Variants in SLC41A2 observed in about 807,000 individuals in gnomAD.
SLC41A2 encodes solute carrier family 41 member 2.
Under a neutral mutation model 58.3 loss-of-function variants are expected in SLC41A2, and 32 were observed. The ratio of observed to expected loss-of-function variants is 0.55; its 90% CI spans 0.41 to 0.74. SLC41A2 has a LOEUF of 0.74. Among genes scored for constraint, SLC41A2 ranks in the 30% least tolerant of loss-of-function variants. The probability of loss-of-function intolerance (pLI) is 0.00; values close to 1 mark genes in which losing one functional copy is unlikely to be tolerated. For missense variants in SLC41A2, 514 were observed against 680.6 expected, an observed-to-expected ratio of 0.76 and a Z score of 2.72; for synonymous variants, 190 against 235.0, an observed-to-expected ratio of 0.81 and a Z score of 1.75.
At chr12:104,940,193 G>T (rs2047448582) in intron 1 of SLC41A2, among the ~76,000 whole-genome samples, 1 of 151,926 alleles carries the variant, frequency 6.6e-6, no homozygotes. Context: ...TGTATTTTTA[G>T]TAGAGATGGG....
chr12:104,911,588 C>T (rs188820910), intron 2 of SLC41A2, among the ~76,000 whole-genome samples: 2 of 152,114 alleles, frequency 1.3e-5, no homozygotes, highest in African/African-American at 4.8e-5. Context: ...AATACCAAGA[C>T]AGATGAGAAA....
At position 104,928,698 on chromosome 12, in the gene SLC41A2, GA is replaced by G. The variant is rs2046945376; in HGVS notation, c.-167-5del. On this transcript the variant is annotated splice_polypyrimidine_tract_variant and splice_region_variant and intron_variant, in intron 1 of 10. Coordinates refer to ENST00000258538, the MANE Select transcript of SLC41A2 (RefSeq NM_001352171.3). ...AAGTTCCACAGAAGGACTGGATCTG[GA>G]AAAATAAAATAATTTTTAAAAATCA... The G allele has an allele frequency of 2.3e-6, 1 of 431,356 alleles. No homozygotes were observed. Among genetic ancestry groups the G allele is most frequent in the South Asian group, 8.8e-5 (1 of 11,398 alleles). The allele number at this position is 431,356 out of a possible 1,614,324, so 26.7% of individuals were successfully genotyped here. A position where few individuals can be genotyped will look rare whatever the true frequency, so the allele number is the denominator to read the frequency against.
chr12:104,847,778 A>G (rs2042660108), intron 8 of SLC41A2, among the ~76,000 whole-genome samples: 1 of 152,180 alleles, frequency 6.6e-6, no homozygotes, highest in Non-Finnish European at 1.5e-5. Flanking sequence ...TCTTGGAAAC[A>G]GACTGTAAGC....
intron 5 of SLC41A2, 109 bp from the exon 6 acceptor site, chr12:104,886,548 C>G: frequency 8.6e-7 from 1 of 1,166,126 alleles, no homozygotes; most frequent in Non-Finnish European, 1.2e-6. Flanking sequence ...TCCAGTTAGA[C>G]TGCTTAGATA....
intron 4 of SLC41A2, among the ~76,000 whole-genome samples, chr12:104,890,548 T>G (rs761923848): frequency 6.6e-6 from 1 of 152,176 alleles, no homozygotes; most frequent in Non-Finnish European, 1.5e-5. Flanking sequence ...TCTGTCAATT[T>G]CTGAGAAAAT....
intron 10 of SLC41A2, among the ~76,000 whole-genome samples, chr12:104,820,441 G>A (rs1452109385): frequency 2.6e-5 from 4 of 152,138 alleles, no homozygotes; most frequent in African/African-American, 9.7e-5. Flanking sequence ...TGCAGCCTGG[G>A]CAACACAGTG....
intron 1 of SLC41A2, among the ~76,000 whole-genome samples, chr12:104,933,483 G>A (rs1056580225): frequency 6.6e-6 from 1 of 152,078 alleles, no homozygotes; most frequent in African/African-American, 2.4e-5. Flanking sequence ...ATTTCTTAAA[G>A]AACTAAAAGT....
intron 10 of SLC41A2, among the ~76,000 whole-genome samples, chr12:104,831,023 T>G (rs965735190): frequency 3.3e-5 from 5 of 152,202 alleles, no homozygotes; most frequent in Non-Finnish European, 7.4e-5. Context: ...TTATCCCTGA[T>G]GTATATAGTA....
At chr12:104,812,274 C>T (rs1033683491) in intron 10 of SLC41A2, among the ~76,000 whole-genome samples, 3 of 152,154 alleles carry the variant, frequency 2.0e-5, no homozygotes, top group Admixed American at 2.0e-4. Flanking sequence ...CAGTCTCCTC[C>T]CCGTTCAAGA....
intron 7 of SLC41A2, 45 bp downstream of exon 7, chr12:104,866,387 C>T (rs1230563235): frequency 9.3e-5 from 22 of 237,282 alleles, no homozygotes; most frequent in South Asian, 3.8e-4. Flanking sequence ...GACGTACACA[C>T]ACACACACAC....
chr12:104,844,609 T>TA lies in SLC41A2; in HGVS notation c.1398dup (p.Lys467Ter), dbSNP rs1254402092. The TA allele has an allele frequency of 6.6e-7, 1 of 1,523,206 alleles. No individual in the cohort carries two copies. 94.4% of individuals were successfully genotyped at this position (1,523,206 alleles called of 1,614,324 possible). On this transcript the variant is annotated frameshift_variant, in exon 10 of 11. Transcript: ENST00000258538. LOFTEE classifies it high-confidence loss of function. The stretch of plus-strand genomic sequence containing the variant: ...AAAAGCAGTAGAACTTGAGCAGACT[T>TA]ATTATTTACTCCTGTAATATAAAAT...
intron 1 of SLC41A2, among the ~76,000 whole-genome samples, chr12:104,936,266 C>A (rs191973621): frequency 3.3e-5 from 5 of 152,180 alleles, no homozygotes; most frequent in African/African-American, 1.2e-4. Flanking sequence ...CTATACTATA[C>A]TTTTTATATT....
At chr12:104,929,531 C>A (rs1345907093) in intron 1 of SLC41A2, among the ~76,000 whole-genome samples, 3 of 152,328 alleles carry the variant, frequency 2.0e-5, no homozygotes, top group Non-Finnish European at 4.4e-5. Flanking sequence ...TGACTAGAGT[C>A]TCTTTGAAGA....
At chr12:104,942,808 G>A (rs1430886068) in intron 1 of SLC41A2, among the ~76,000 whole-genome samples, 5 of 151,896 alleles carry the variant, frequency 3.3e-5, no homozygotes, top group East Asian at 1.9e-4. Context: ...TTATTCTTAC[G>A]TACTCTATCT....
In SLC41A2 at chr12:104,883,093, T is replaced by C. The variant is rs184622243; in HGVS notation, c.1027+3200A>G. Among the ~76,000 whole-genome samples the C allele has an allele frequency of 1.2e-3, 187 of 152,322 alleles. 2 individuals are homozygous for C. The highest frequency in any genetic ancestry group is 7.5e-3 in the East Asian group (39 of 5,188). On this transcript the variant is annotated intron_variant, in intron 6 of 10. Coordinates refer to ENST00000258538, the MANE Select transcript of SLC41A2 (RefSeq NM_001352171.3). The stretch of plus-strand genomic sequence containing the variant: ...TTGATCTTCAATCACTGATACCCTT[T>C]CTTCCACTTGATCAAATCGGCTACT...
At chr12:104,836,829 A>G (rs2042227515) in intron 10 of SLC41A2, among the ~76,000 whole-genome samples, 1 of 152,120 alleles carries the variant, frequency 6.6e-6, no homozygotes, top group Admixed American at 6.5e-5. Context: ...ACTTAATATT[A>G]CTCTAGGAGT....
At chr12:104,920,350 A>C (rs532324080) in intron 2 of SLC41A2, among the ~76,000 whole-genome samples, 1 of 152,254 alleles carries the variant, frequency 6.6e-6, no homozygotes, top group East Asian at 1.9e-4. Context: ...TTTAAAAGGG[A>C]ATTCTGTTAA....
chr12:104,935,430 AT>A (rs2047226259), intron 1 of SLC41A2, among the ~76,000 whole-genome samples: 1 of 152,192 alleles, frequency 6.6e-6, no homozygotes. Flanking sequence ...TCTATAACGT[AT>A]ACGTAGATCA....
chr12:104,879,095 C>T (rs900648219), intron 6 of SLC41A2, among the ~76,000 whole-genome samples: 4 of 152,218 alleles, frequency 2.6e-5, no homozygotes, highest in African/African-American at 9.6e-5. Context: ...TGTCTGTTGG[C>T]TGCATAAATG....
Sources: allele counts gnomAD v4.1 joint callset (sites outside exome capture counted in the v4.1 genomes callset), GRCh38; gene constraint gnomAD v4.1.1; transcripts MANE v1.5; gene names NCBI Gene and HGNC (gene_info 2026-07-23, HGNC 2026-07-21).